The following ZSWIM6 variants were observed in gnomAD, a reference collection of about 807,000 sequenced individuals.
ZSWIM6 encodes the protein zinc finger SWIM domain-containing protein 6.
ZSWIM6 carries 9 observed loss-of-function variants against 113.2 expected under a neutral mutation model. The ratio of observed to expected loss-of-function variants is 0.08; its 90% CI spans 0.05 to 0.14. ZSWIM6 has a LOEUF of 0.14. Ranked by LOEUF, ZSWIM6 falls within the 10% of genes least tolerant of loss-of-function variation. The probability of loss-of-function intolerance (pLI) is 1.00; values close to 1 mark genes in which losing one functional copy is unlikely to be tolerated. For missense variants in ZSWIM6, 1,162 were observed against 1,552.2 expected (o/e 0.75, Z 4.22); for synonymous variants, 611 against 606.5 (o/e 1.01, Z -0.11).
intron 1 of ZSWIM6, among the ~76,000 whole-genome samples, chr5:61,355,326 T>C (rs1744876328): frequency 1.3e-5 from 2 of 152,058 alleles, no homozygotes; most frequent in Non-Finnish European, 2.9e-5. Context: ...CAAGTTGAGA[T>C]GCCCCCGGCT....
intron 4 of ZSWIM6, among the ~76,000 whole-genome samples, chr5:61,513,978 C>A (rs1008226086): frequency 7.2e-5 from 11 of 151,992 alleles, no homozygotes; most frequent in Non-Finnish European, 1.5e-4. Context: ...CAAACACTGG[C>A]TAGGATTTTC....
chr5:61,400,375 G>A (rs1579976743), intron 1 of ZSWIM6, among the ~76,000 whole-genome samples: 1 of 152,238 alleles, frequency 6.6e-6, no homozygotes, highest in East Asian at 1.9e-4. Flanking sequence ...AAATGTTCCA[G>A]TTTTTCATTG....
chr5:61,391,531 C>G, intron 1 of ZSWIM6: 1 of 1,043,300 alleles, frequency 9.6e-7, no homozygotes, highest in Non-Finnish European at 1.5e-6. Flanking sequence ...ATGTCTCTTG[C>G]ATGCATCGCT....
intron 9 of ZSWIM6, among the ~76,000 whole-genome samples, chr5:61,533,631 A>G (rs569591476): frequency 6.6e-6 from 1 of 152,322 alleles, no homozygotes; most frequent in South Asian, 2.1e-4. Flanking sequence ...TTGATTATGT[A>G]TCCTGGATCT....
intron 2 of ZSWIM6, among the ~76,000 whole-genome samples, chr5:61,477,664 A>G (rs1045795728): frequency 1.3e-5 from 2 of 152,190 alleles, no homozygotes; most frequent in African/African-American, 2.4e-5. Context: ...ATATCAGTCT[A>G]TTCAGACTAT....
At chr5:61,525,679 TAGG>T (rs1220848290) in intron 5 of ZSWIM6, 118 bp from the exon 6 acceptor site, 3 of 1,158,072 alleles carry the variant, frequency 2.6e-6, no homozygotes, top group Admixed American at 4.4e-5. Context: ...CCCTTCTGCT[TAGG>T]GGGTGCAGGA....
At chr5:61,379,648 T>G (rs1579964164) in intron 1 of ZSWIM6, among the ~76,000 whole-genome samples, 1 of 152,326 alleles carries the variant, frequency 6.6e-6, no homozygotes, top group South Asian at 2.1e-4. Context: ...TTTTGTCTTG[T>G]GATATATGTC....
At chr5:61,481,039 T>C (rs192680034) in intron 2 of ZSWIM6, among the ~76,000 whole-genome samples, 231 of 152,290 alleles carry the variant, frequency 1.5e-3, no homozygotes, top group Non-Finnish European at 2.7e-3. Context: ...GGGACACTGC[T>C]ACATAAATAT....
chr5:61,516,490 T>C (rs138739268), intron 4 of ZSWIM6, among the ~76,000 whole-genome samples: 4 of 146,736 alleles, frequency 2.7e-5, no homozygotes, highest in Non-Finnish European at 3.0e-5. Context: ...GTTTTGTGGT[T>C]GTTAGGCTCT....
intron 1 of ZSWIM6, among the ~76,000 whole-genome samples, chr5:61,343,775 T>G (rs1744596578): frequency 6.6e-6 from 1 of 152,096 alleles, no homozygotes; most frequent in Non-Finnish European, 1.5e-5. Flanking sequence ...ATGTTTGTAA[T>G]CTAGTTGTTT....
chr5:61,469,332 T>C (rs746851328), intron 1 of ZSWIM6, among the ~76,000 whole-genome samples: 12 of 152,226 alleles, frequency 7.9e-5, no homozygotes, highest in Non-Finnish European at 1.6e-4. Flanking sequence ...TTTTTGGGCA[T>C]TTGAAAGATA....
chr5:61,339,126 CTAGTAATGTGTTCAGTAATAGGCAGTG>C (rs1183027721), intron 1 of ZSWIM6, among the ~76,000 whole-genome samples: 7 of 152,158 alleles, frequency 4.6e-5, no homozygotes, highest in Non-Finnish European at 1.0e-4. Flanking sequence ...GTGATTTCAG[CTAGTAATGTGTTCAGTAATAGGCAGTG>C]TAGGAATGAC....
chr5:61,435,927 C>T (rs553217604), intron 1 of ZSWIM6, among the ~76,000 whole-genome samples: 13 of 152,208 alleles, frequency 8.5e-5, no homozygotes, highest in South Asian at 2.1e-4. Flanking sequence ...CTAGGCTGGG[C>T]GCAGTGGCTC....
intron 1 of ZSWIM6, among the ~76,000 whole-genome samples, chr5:61,454,663 C>T (rs1181917844): frequency 6.6e-6 from 1 of 151,234 alleles, no homozygotes; most frequent in Non-Finnish European, 1.5e-5. Flanking sequence ...CTCACTGCAA[C>T]CTCTGCCTCC....
intron 1 of ZSWIM6, among the ~76,000 whole-genome samples, chr5:61,348,284 G>A (rs1205930329): frequency 6.6e-6 from 1 of 152,078 alleles, no homozygotes; most frequent in Non-Finnish European, 1.5e-5. Context: ...AATAGCATAC[G>A]TAGGATGAGT....
rs1491280319 is a variant in ZSWIM6 at position 61,505,750 on chromosome 5, T to TC, written c.1333+11340_1333+11341insC. On this transcript the variant is annotated intron_variant, in intron 4 of 13. Transcript: ENST00000252744. The stretch of plus-strand genomic sequence containing the variant: ...TTCCCTCTCTCTCTCTCTCTCTCTC[T>TC]TTCTTTCTTTCTTTTTTTGAGACAG... Among the ~76,000 whole-genome samples, 150 of 143,198 alleles carry TC rather than the reference T, an allele frequency of 1.0e-3. 9 individuals are homozygous for TC. The highest frequency in any genetic ancestry group is 3.7e-3 in the African/African-American group (138 of 37,572). The allele number at this position is 143,198 out of a possible 152,430, so 93.9% of individuals were successfully genotyped here.
intron 3 of ZSWIM6, among the ~76,000 whole-genome samples, chr5:61,492,185 A>G (rs1049156867): frequency 6.6e-6 from 1 of 152,112 alleles, no homozygotes; most frequent in Non-Finnish European, 1.5e-5. Flanking sequence ...TAGGTTAGAA[A>G]TCTACCAGAA....
intron 1 of ZSWIM6, among the ~76,000 whole-genome samples, chr5:61,349,758 G>A (rs1447073092): frequency 1.3e-5 from 2 of 152,168 alleles, no homozygotes; most frequent in Non-Finnish European, 2.9e-5. Flanking sequence ...CAGTACTTTT[G>A]GGTTACCTAG....
chr5:61,341,397 A>G (rs988752451), intron 1 of ZSWIM6, among the ~76,000 whole-genome samples: 7 of 152,214 alleles, frequency 4.6e-5, no homozygotes, highest in African/African-American at 7.2e-5. Context: ...ATTCATTTCA[A>G]TGTTTAATAT....
Sources: allele counts gnomAD v4.1 joint callset (sites outside exome capture counted in the v4.1 genomes callset), GRCh38; gene constraint gnomAD v4.1.1; transcripts MANE v1.5; gene names NCBI Gene and HGNC (gene_info 2026-07-23, HGNC 2026-07-21).